The following ANKS1B variants were observed in gnomAD, a reference collection of about 807,000 sequenced individuals.
ANKS1B encodes ankyrin repeat and sterile alpha motif domain containing 1B, also known as ankyrin repeat and sterile alpha motif domain-containing protein 1B.
In ANKS1B, 36 loss-of-function variants were observed where a neutral mutation model predicts 148.3. That is an observed-to-expected ratio of 0.24 (90% CI 0.19 to 0.32). The LOEUF is 0.32. Among genes scored for constraint, ANKS1B ranks in the 10% least tolerant of loss-of-function variants. ANKS1B has a pLI of 1.00. For missense variants in ANKS1B, 1,157 were observed against 1,542.6 expected (o/e 0.75, Z 4.19); for synonymous variants, 542 against 560.8 (o/e 0.97, Z 0.47).
intron 1 of ANKS1B, among the ~76,000 whole-genome samples, chr12:99,939,378 C>T (rs909272165): frequency 3.3e-5 from 5 of 152,158 alleles, no homozygotes; most frequent in African/African-American, 4.8e-5. Context: ...GTGTGAGCCA[C>T]CATGCCCAGC....
chr12:99,515,307 A>G (rs1596191852), intron 9 of ANKS1B, among the ~76,000 whole-genome samples: 1 of 151,538 alleles, frequency 6.6e-6, no homozygotes, highest in Admixed American at 6.6e-5. Flanking sequence ...ACCATCCACA[A>G]CTCCCACCCT....
chr12:99,678,730 T>C (rs1199205512), intron 8 of ANKS1B, among the ~76,000 whole-genome samples: 1 of 152,188 alleles, frequency 6.6e-6, no homozygotes, highest in Non-Finnish European at 1.5e-5. Flanking sequence ...TTATTGTTGT[T>C]TAATTACCAT....
chr12:99,382,654 T>C (rs1019554236), intron 12 of ANKS1B, among the ~76,000 whole-genome samples: 2 of 132,712 alleles, frequency 1.5e-5, no homozygotes, highest in African/African-American at 5.8e-5. Flanking sequence ...CCTGAGATCA[T>C]ACCACTGCAC....
intron 10 of ANKS1B, among the ~76,000 whole-genome samples, chr12:99,465,019 A>G (rs1049207830): frequency 6.6e-6 from 1 of 152,246 alleles, no homozygotes; most frequent in African/African-American, 2.4e-5. Context: ...AATGAAGGAA[A>G]AAGTGTTAAG....
intron 15 of ANKS1B, 53 bp downstream of exon 15, chr12:99,154,236 T>A: frequency 6.2e-7 from 1 of 1,605,264 alleles, no homozygotes; most frequent in Non-Finnish European, 8.5e-7. Context: ...GTAAGACACA[T>A]AAGAAGCAAA....
At chr12:99,497,943 T>C (rs2096619814) in intron 10 of ANKS1B, among the ~76,000 whole-genome samples, 1 of 152,162 alleles carries the variant, frequency 6.6e-6, no homozygotes, top group African/African-American at 2.4e-5. Context: ...GCCTAAGCCA[T>C]GTTACCTAAC....
At chr12:98,893,930 T>A (rs944505522) in intron 17 of ANKS1B, among the ~76,000 whole-genome samples, 2 of 152,200 alleles carry the variant, frequency 1.3e-5, no homozygotes, top group Non-Finnish European at 2.9e-5. Context: ...AGGACCTTGT[T>A]TGGCTTTTGG....
At chr12:99,136,479 A>G (rs2068099743) in intron 15 of ANKS1B, among the ~76,000 whole-genome samples, 1 of 152,190 alleles carries the variant, frequency 6.6e-6, no homozygotes, top group Non-Finnish European at 1.5e-5. Context: ...AAACACACAC[A>G]CAAAAAAATT....
intron 10 of ANKS1B, among the ~76,000 whole-genome samples, chr12:99,467,982 T>A (rs1175462332): frequency 6.6e-6 from 1 of 152,130 alleles, no homozygotes; most frequent in Non-Finnish European, 1.5e-5. Context: ...CATCGCCAAG[T>A]CAATCCTAAG....
At chr12:98,991,320 A>G (rs1004075389) in intron 17 of ANKS1B, among the ~76,000 whole-genome samples, 5 of 152,220 alleles carry the variant, frequency 3.3e-5, no homozygotes, top group Non-Finnish European at 7.3e-5. Context: ...TGCTGTTTGC[A>G]TATAGGGTAC....
chr12:99,938,353 T>C (rs1317666665), intron 1 of ANKS1B, among the ~76,000 whole-genome samples: 1 of 152,088 alleles, frequency 6.6e-6, no homozygotes. Context: ...CCTTCCCTAA[T>C]TGAGCCCCAG....
intron 9 of ANKS1B, among the ~76,000 whole-genome samples, chr12:99,631,064 T>C (rs970058485): frequency 1.1e-4 from 16 of 152,072 alleles, no homozygotes; most frequent in Non-Finnish European, 1.9e-4. Flanking sequence ...AGACATGACT[T>C]TGCTCCTCAT....
At chr12:99,383,979 T>C (rs929924504) in intron 12 of ANKS1B, among the ~76,000 whole-genome samples, 22 of 151,968 alleles carry the variant, frequency 1.4e-4, no homozygotes, top group African/African-American at 4.8e-4. Context: ...CAGTGAGCTG[T>C]AATCGTGCCA....
intron 2 of ANKS1B, among the ~76,000 whole-genome samples, chr12:99,819,491 C>T (rs763637201): frequency 2.8e-4 from 42 of 151,056 alleles, no homozygotes; most frequent in South Asian, 6.3e-4. Context: ...CAATTTGATA[C>T]GCAATCTGGA....
intron 8 of ANKS1B, among the ~76,000 whole-genome samples, chr12:99,758,843 T>TA (rs1307273893): frequency 6.6e-6 from 1 of 151,910 alleles, no homozygotes; most frequent in Admixed American, 6.6e-5. Context: ...AAAAACACTT[T>TA]AATGTTTGAG....
At chr12:99,257,011 G>A (rs2075337856) in intron 12 of ANKS1B, among the ~76,000 whole-genome samples, 1 of 152,144 alleles carries the variant, frequency 6.6e-6, no homozygotes, top group Non-Finnish European at 1.5e-5. Context: ...TTGGGAGGCT[G>A]AGACGGGTGG....
chr12:98,752,493 A>G (rs1478255947), intron 25 of ANKS1B, among the ~76,000 whole-genome samples: 2 of 151,930 alleles, frequency 1.3e-5, no homozygotes, highest in Non-Finnish European at 2.9e-5. Flanking sequence ...TCCTGACCTC[A>G]TGATCCACCC....
intron 1 of ANKS1B, among the ~76,000 whole-genome samples, chr12:99,875,779 C>A (rs79743717): frequency 6.6e-6 from 1 of 152,190 alleles, no homozygotes; most frequent in Non-Finnish European, 1.5e-5. Context: ...TGTGTCTCCA[C>A]GTGCAAAGCT....
chr12:99,794,160 G>A (rs1307168947), intron 4 of ANKS1B, among the ~76,000 whole-genome samples: 2 of 151,906 alleles, frequency 1.3e-5, no homozygotes, highest in Non-Finnish European at 2.9e-5. Flanking sequence ...TTATCCAAAT[G>A]TTAAGCAATA....
Sources: gnomAD v4.1 joint callset for allele counts (sites outside exome capture counted in the v4.1 genomes callset) on GRCh38, gnomAD v4.1.1 for gene constraint, MANE v1.5 for transcripts, NCBI Gene and HGNC (gene_info 2026-07-23, HGNC 2026-07-21) for gene names.